TMEM131: variants seen among roughly 807,000 people sequenced by gnomAD.
TMEM131 encodes transmembrane protein 131.
TMEM131 carries 66 observed loss-of-function variants against 211.6 expected under a neutral mutation model. The ratio of observed to expected loss-of-function variants is 0.31; its 90% CI spans 0.26 to 0.38. TMEM131 has a LOEUF of 0.38. TMEM131 is among the 10% of genes least tolerant of loss of function. The probability of loss-of-function intolerance (pLI) is 1.00; values close to 1 mark genes in which losing one functional copy is unlikely to be tolerated. For synonymous variants in TMEM131, 844 were observed against 841.3 expected (o/e 1.00, Z -0.06); for missense variants, 2,036 against 2,299.3 (o/e 0.89, Z 2.34).
chr2:97,787,889 C>G (rs777766755), intron 31 of TMEM131, among the ~76,000 whole-genome samples: 12 of 152,154 alleles, frequency 7.9e-5, no homozygotes, highest in Non-Finnish European at 1.8e-4. Context: ...AAACCTTACA[C>G]TCACACCTCC....
Position 97,892,434 on chromosome 2 carries a change from C to T in TMEM131, c.291-4314G>A, listed in dbSNP as rs1675417591. 3.3e-5 allele frequency among the ~76,000 whole-genome samples: 5 copies of T among 152,220 alleles called. No homozygotes were observed. In the South Asian group the frequency reaches 1.0e-3, roughly 32 times the overall value. ...TGTAGTTAGTGGTCCAATCATGGGT[C>T]ACTGCAGCCTTGACCTCCTGGGCTC... is the stretch of plus-strand genomic sequence containing the variant. On this transcript the variant is annotated intron_variant, in intron 3 of 40. Transcript: ENST00000186436.
intron 35 of TMEM131, chr2:97,762,493 T>G: frequency 3.5e-6 from 1 of 286,572 alleles, no homozygotes; most frequent in Non-Finnish European, 6.6e-6. Context: ...GTCTTCCACA[T>G]CCTCCAGGGG....
chr2:97,759,853 G>A, intron 38 of TMEM131, 104 bp from the exon 39 acceptor site: 1 of 778,358 alleles, frequency 1.3e-6, no homozygotes, highest in Admixed American at 2.1e-5. Flanking sequence ...TGCTTCAACT[G>A]GGGGTACTCA....
At chr2:97,795,162 C>A in intron 28 of TMEM131, 47 bp from the exon 29 acceptor site, 1 of 1,448,114 alleles carries the variant, frequency 6.9e-7, no homozygotes, top group South Asian at 1.3e-5. Flanking sequence ...AAATATCTCA[C>A]AAGCAGTCTG....
At chr2:97,932,141 T>TAAAAAAAAA in intron 1 of TMEM131, among the ~76,000 whole-genome samples, 1 of 135,072 alleles carries the variant, frequency 7.4e-6, no homozygotes, top group Non-Finnish European at 1.6e-5. Flanking sequence ...GACCCTGTCT[T>TAAAAAAAAA]AAAAAAAAAA....
At chr2:97,937,161 C>T (rs1282956909) in intron 1 of TMEM131, among the ~76,000 whole-genome samples, 1 of 151,938 alleles carries the variant, frequency 6.6e-6, no homozygotes, top group East Asian at 1.9e-4. Flanking sequence ...AAAAGGAAAC[C>T]ACGTGCAAAA....
chr2:97,772,062 G>A (rs1464921410), intron 33 of TMEM131, among the ~76,000 whole-genome samples: 2 of 152,156 alleles, frequency 1.3e-5, no homozygotes, highest in Non-Finnish European at 1.5e-5. Flanking sequence ...ATAACAGATC[G>A]TGAGCTCTGC....
chr2:97,993,657 T>C (rs1482650117), intron 1 of TMEM131, among the ~76,000 whole-genome samples: 1 of 152,238 alleles, frequency 6.6e-6, no homozygotes, highest in African/African-American at 2.4e-5. Context: ...CCCAGGCCAC[T>C]GGCTGATTCA....
In TMEM131 at chr2:97,908,623, G is replaced by A. The variant is rs549945044; in HGVS notation, c.290+35C>T. On this transcript the variant is annotated intron_variant, in intron 3 of 40. Coordinates refer to ENST00000186436, the MANE Select transcript of TMEM131 (RefSeq NM_015348.2). ...CCACAGGAATCCCCCAGAAGGAACCGAAAGTATGTTAATTATCTTATTAAA... is the reference window on the plus strand; with the variant it reads ...CCACAGGAATCCCCCAGAAGGAACCAAAAGTATGTTAATTATCTTATTAAA... 3.5e-5 allele frequency: 53 copies of A among 1,535,132 alleles called. No homozygotes were observed. The Admixed American group carries it at 3.6e-4, about 11-fold the overall frequency.
intron 4 of TMEM131, among the ~76,000 whole-genome samples, chr2:97,870,157 A>G (rs538197446): frequency 6.6e-6 from 1 of 152,306 alleles, no homozygotes; most frequent in African/African-American, 2.4e-5. Flanking sequence ...CCCAAAAAAA[A>G]TCTATCTCAA....
At chr2:97,957,125 C>T (rs1461623496) in intron 1 of TMEM131, among the ~76,000 whole-genome samples, 1 of 151,272 alleles carries the variant, frequency 6.6e-6, no homozygotes, top group Non-Finnish European at 1.5e-5. Flanking sequence ...TATCCTACAG[C>T]AATAATTTTT....
chr2:97,847,430 T>A (rs192862639), intron 5 of TMEM131, among the ~76,000 whole-genome samples: 96 of 152,316 alleles, frequency 6.3e-4, no homozygotes, highest in Admixed American at 3.5e-3. Flanking sequence ...AAAAACGTAC[T>A]ATTTAGGATA....
intron 6 of TMEM131, among the ~76,000 whole-genome samples, chr2:97,843,473 C>T (rs886785583): frequency 3.9e-5 from 6 of 152,124 alleles, no homozygotes; most frequent in African/African-American, 1.2e-4. Flanking sequence ...GTAGCTGAGA[C>T]TACAAGTGCT....
chr2:97,797,708 T>C (rs1015445274), intron 25 of TMEM131, among the ~76,000 whole-genome samples, 192 bp from the exon 26 acceptor site: 7 of 152,262 alleles, frequency 4.6e-5, no homozygotes, highest in Non-Finnish European at 7.3e-5. Flanking sequence ...ATTCATATTC[T>C]ACATTAAGTC....
chr2:97,921,356 G>C (rs527726213), intron 2 of TMEM131, among the ~76,000 whole-genome samples: 1 of 152,234 alleles, frequency 6.6e-6, no homozygotes, highest in African/African-American at 2.4e-5. Flanking sequence ...ATTTATTCCA[G>C]ACAGAATTTG....
intron 4 of TMEM131, among the ~76,000 whole-genome samples, chr2:97,876,284 G>A (rs933079077): frequency 6.6e-6 from 1 of 152,126 alleles, no homozygotes; most frequent in Non-Finnish European, 1.5e-5. Context: ...GGTACAAAGA[G>A]GAGCTGGTAC....
At chr2:97,909,481 T>G (rs1276164041) in intron 2 of TMEM131, among the ~76,000 whole-genome samples, 2 of 152,048 alleles carry the variant, frequency 1.3e-5, no homozygotes, top group South Asian at 2.1e-4. Context: ...TGAGAAAAAG[T>G]AGGAAGTTGG....
At chr2:97,936,157 T>C (rs1436828924) in intron 1 of TMEM131, among the ~76,000 whole-genome samples, 1 of 152,130 alleles carries the variant, frequency 6.6e-6, no homozygotes, top group Non-Finnish European at 1.5e-5. Context: ...GTCAAAAACC[T>C]TTAGGGGAAA....
At chr2:97,910,390 A>C (rs1676246781) in intron 2 of TMEM131, among the ~76,000 whole-genome samples, 1 of 152,166 alleles carries the variant, frequency 6.6e-6, no homozygotes, top group African/African-American at 2.4e-5. Context: ...ATATACCCTA[A>C]AGAACTGAAA....
Sources: gnomAD v4.1 joint callset for allele counts (sites outside exome capture counted in the v4.1 genomes callset) on GRCh38, gnomAD v4.1.1 for gene constraint, MANE v1.5 for transcripts, NCBI Gene and HGNC (gene_info 2026-07-23, HGNC 2026-07-21) for gene names.